DOCK4: variants seen among roughly 807,000 people sequenced by gnomAD.
DOCK4 encodes the protein dedicator of cytokinesis 4, also known as dedicator of cytokinesis protein 4.
A neutral mutation model predicts 268.1 loss-of-function variants in DOCK4; 97 were observed. The observed-to-expected ratio is 0.36, with a 90% confidence interval of 0.31 to 0.43. The LOEUF is 0.43. Among genes scored for constraint, DOCK4 ranks in the 20% least tolerant of loss-of-function variants. The pLI is 1.00. For synonymous variants in DOCK4, 954 were observed against 887.2 expected (o/e 1.08, Z -1.34); for missense variants, 2,145 against 2,455.7 (o/e 0.87, Z 2.67).
chr7:111,787,452 T>C (rs1246142507), intron 32 of DOCK4, among the ~76,000 whole-genome samples: 1 of 152,098 alleles, frequency 6.6e-6, no homozygotes, highest in Non-Finnish European at 1.5e-5. Flanking sequence ...AATTACCATA[T>C]CAGAAAAAAA....
At chr7:111,768,623 G>T (rs1797916793) in intron 37 of DOCK4, among the ~76,000 whole-genome samples, 1 of 152,186 alleles carries the variant, frequency 6.6e-6, no homozygotes, top group African/African-American at 2.4e-5. Context: ...CCTTGAAGAG[G>T]GGTAGGAAGT....
chr7:111,747,256 C>G lies in DOCK4; in HGVS notation c.4593+11G>C. 5 of 1,609,540 alleles carry G rather than the reference C, an allele frequency of 3.1e-6. No homozygotes were observed. The highest frequency in any genetic ancestry group is 4.2e-6 in the Non-Finnish European group (5 of 1,178,092). Reference sequence around the variant, plus strand: ...AAAACTTTCTCTGAAACAACAATACCTAATCCTTACCTCTTGATACCTGGA... The same window carrying G: ...AAAACTTTCTCTGAAACAACAATACGTAATCCTTACCTCTTGATACCTGGA... On this transcript the variant is annotated intron_variant, in intron 43 of 52. Transcript: ENST00000428084.
chr7:111,803,613 GA>G (rs1800457721), intron 30 of DOCK4, among the ~76,000 whole-genome samples: 2 of 152,212 alleles, frequency 1.3e-5, no homozygotes, highest in East Asian at 3.9e-4. Context: ...TCTAAAAATA[GA>G]AAGAAAAACT....
At chr7:111,932,243 T>C (rs1332435158) in intron 12 of DOCK4, among the ~76,000 whole-genome samples, 3 of 152,196 alleles carry the variant, frequency 2.0e-5, no homozygotes, top group East Asian at 3.9e-4. Flanking sequence ...GAAAGACATG[T>C]AGCCAACAGT....
At chr7:112,013,178 T>C (rs1316593409) in intron 1 of DOCK4, among the ~76,000 whole-genome samples, 1 of 152,190 alleles carries the variant, frequency 6.6e-6, no homozygotes, top group Non-Finnish European at 1.5e-5. Flanking sequence ...TTTCTGATTT[T>C]TTCTTCTTAG....
chr7:112,083,982 G>A (rs1432158710), intron 1 of DOCK4, among the ~76,000 whole-genome samples: 1 of 152,218 alleles, frequency 6.6e-6, no homozygotes, highest in African/African-American at 2.4e-5. Flanking sequence ...CGCTTGCACA[G>A]TTGGGCTAAC....
At position 111,977,230 on chromosome 7, in the gene DOCK4, G is replaced by A. The variant is rs764679961; in HGVS notation, c.603C>T (p.His201=). 1.9e-6 allele frequency: 3 copies of A among 1,611,072 alleles called. No individual in the cohort carries two copies. Among genetic ancestry groups the A allele is most frequent in the Non-Finnish European group, 2.5e-6 (3 of 1,178,692 alleles). The change falls in exon 8 of 53, where the codon CAC becomes CAT. Residue 201 remains histidine, a synonymous_variant. Coordinates refer to ENST00000428084, the MANE Select transcript of DOCK4 (RefSeq NM_001363540.2). ...TGAGGCTCTTCATCTGGACAAAGAG[G>A]TGGTGACTGCTGGCCTGCACCGGGG... ...KDTPVQASSH[H]LFVQMKSLMC...
At chr7:111,905,640 C>A (rs999380584) in intron 13 of DOCK4, among the ~76,000 whole-genome samples, 5 of 151,954 alleles carry the variant, frequency 3.3e-5, no homozygotes, top group Admixed American at 2.0e-4. Flanking sequence ...AACCACTGTA[C>A]ACTGTCCCAG....
chr7:111,935,473 A>G lies in DOCK4; in HGVS notation c.1066+67T>C, dbSNP rs780021048. On this transcript the variant is annotated intron_variant, in intron 12 of 52. Transcript: ENST00000428084. The stretch of plus-strand genomic sequence containing the variant: ...AAAGGGCTGATAATTTCCTTCCCAA[A>G]CAGACAAACAAAAAAAAGGGCTTGG... 2.8e-5 allele frequency: 39 copies of G among 1,400,112 alleles called. No homozygotes were observed. In the South Asian group the frequency reaches 4.3e-4, roughly 15 times the overall value. 86.7% of individuals were successfully genotyped at this position (1,400,112 alleles called of 1,614,324 possible). A position where few individuals can be genotyped will look rare whatever the true frequency, so the allele number is the denominator to read the frequency against.
intron 41 of DOCK4, among the ~76,000 whole-genome samples, chr7:111,757,392 C>A (rs1374758744): frequency 3.3e-5 from 5 of 152,074 alleles, no homozygotes; most frequent in African/African-American, 1.2e-4. Context: ...TTGAACAAGT[C>A]AATTGCCTGA....
chr7:111,780,655 T>A (rs1798733798), intron 35 of DOCK4, among the ~76,000 whole-genome samples: 1 of 152,364 alleles, frequency 6.6e-6, no homozygotes. Flanking sequence ...ATTACTTTTT[T>A]AAAACCAATT....
intron 5 of DOCK4, 112 bp downstream of exon 5, chr7:111,994,023 G>T (rs1468646031): frequency 6.9e-6 from 4 of 576,724 alleles, no homozygotes; most frequent in Non-Finnish European, 1.2e-5. Context: ...TATCCCCAAG[G>T]AGTCCTGGAG....
At chr7:111,821,262 G>C (rs1010929523) in intron 27 of DOCK4, 2 of 152,152 alleles carry the variant, frequency 1.3e-5, no homozygotes, top group African/African-American at 4.8e-5. Context: ...AGAAAACACA[G>C]GGCGACCGTG....
chr7:111,790,294 G>C (rs373116094), intron 31 of DOCK4, among the ~76,000 whole-genome samples, 163 bp downstream of exon 31: 1 of 152,212 alleles, frequency 6.6e-6, no homozygotes, highest in African/African-American at 2.4e-5. Flanking sequence ...CAGGATCTGA[G>C]AAGTATCCAC....
chr7:111,871,082 A>G (rs17158930), intron 20 of DOCK4, among the ~76,000 whole-genome samples: 36,991 of 152,156 alleles, frequency 0.24, 5,304 homozygotes, highest in African/African-American at 0.4. Context: ...AAACAGGATC[A>G]AATGCTTATC....
intron 1 of DOCK4, among the ~76,000 whole-genome samples, chr7:112,106,837 G>A (rs1811183061): frequency 6.6e-6 from 1 of 152,322 alleles, no homozygotes; most frequent in South Asian, 2.1e-4. Flanking sequence ...AATGAGAGAA[G>A]ATGTGTATGC....
intron 1 of DOCK4, among the ~76,000 whole-genome samples, chr7:112,084,411 CAG>C: frequency 6.6e-6 from 1 of 152,268 alleles, no homozygotes. Context: ...TTCATTTATA[CAG>C]AGAGCATCCC....
chr7:111,913,702 C>T (rs1430980530), intron 13 of DOCK4, among the ~76,000 whole-genome samples: 2 of 150,266 alleles, frequency 1.3e-5, no homozygotes, highest in African/African-American at 4.9e-5. Flanking sequence ...AGCCACCGCG[C>T]CCGGCCACAA....
At chr7:111,797,483 T>C (rs59795613) in intron 30 of DOCK4, among the ~76,000 whole-genome samples, 3,246 of 152,242 alleles carry the variant, frequency 0.021, 127 homozygotes, top group African/African-American at 0.074. Flanking sequence ...CAGACCCTAA[T>C]GGCAGCTAAA....
Sources: allele counts gnomAD v4.1 joint callset (sites outside exome capture counted in the v4.1 genomes callset), GRCh38; gene constraint gnomAD v4.1.1; transcripts MANE v1.5; gene names NCBI Gene and HGNC (gene_info 2026-07-23, HGNC 2026-07-21).